Variants in DCUN1D2 observed in about 807,000 individuals in gnomAD.
The protein encoded by DCUN1D2 is DCN1-like protein 2.
In DCUN1D2, 29 loss-of-function variants were observed where a neutral mutation model predicts 30.9. The observed-to-expected ratio is 0.94, with a 90% CI of 0.70 to 1.28. The LOEUF is 1.28. Among genes scored for constraint, DCUN1D2 ranks in the 50% most tolerant of loss-of-function variants. DCUN1D2 has a pLI of 0.00. For missense variants in DCUN1D2, 325 were observed against 316.9 expected (o/e 1.03, Z -0.19); for synonymous variants, 121 against 115.3 (o/e 1.05, Z -0.32).
intron 4 of DCUN1D2, among the ~76,000 whole-genome samples, chr13:113,467,106 C>T (rs1403232681): frequency 2.0e-5 from 3 of 152,096 alleles, no homozygotes; most frequent in African/African-American, 7.2e-5. Flanking sequence ...CCACGCCTGG[C>T]CTGTCCTTTG....
chr13:113,462,745 G>A, intron 4 of DCUN1D2: 1 of 1,035,624 alleles, frequency 9.7e-7, no homozygotes. Flanking sequence ...CTTACCGATG[G>A]GACCCGCAGT....
intron 4 of DCUN1D2, chr13:113,468,843 TGCCA>T (rs2044453369): frequency 6.6e-6 from 1 of 152,304 alleles, no homozygotes; most frequent in African/African-American, 2.4e-5. Context: ...GATGAGCCAC[TGCCA>T]GCAACAGGAC....
intron 4 of DCUN1D2, among the ~76,000 whole-genome samples, chr13:113,462,216 C>T (rs1047491370): frequency 6.7e-5 from 10 of 149,520 alleles, no homozygotes; most frequent in African/African-American, 2.2e-4. Flanking sequence ...TGCGCCACTG[C>T]ACTCCAGCCT....
In DCUN1D2 at chr13:113,458,052, C is replaced by T. The variant is rs1383276530; in HGVS notation, c.757G>A (p.Gly253Ser). Reference sequence around the variant, plus strand: ...GCCTAGAAAAGGCTGCGTTTTCCACCTGTGACTACTGGCCGTGCATATTCT... The same window carrying T: ...GCCTAGAAAAGGCTGCGTTTTCCACTTGTGACTACTGGCCGTGCATATTCT... ...FVEYARPVVTGGKRSLF is the reference protein window; with the variant it reads ...FVEYARPVVTSGKRSLF Residue 253 changes from glycine to serine, a missense_variant, in exon 7 of 7, where the codon GGT (glycine) becomes AGT (serine). Coordinates refer to ENST00000478244, the MANE Select transcript of DCUN1D2 (RefSeq NM_001014283.2). 1 of 1,614,202 alleles carries T rather than the reference C, an allele frequency of 6.2e-7. No homozygotes were observed. Among genetic ancestry groups the T allele is most frequent in the Admixed American group, 1.7e-5 (1 of 60,032 alleles).
intron 1 of DCUN1D2, among the ~76,000 whole-genome samples, chr13:113,486,666 G>A (rs192956325): frequency 1.3e-5 from 2 of 152,284 alleles, no homozygotes; most frequent in Non-Finnish European, 1.5e-5. Flanking sequence ...TCACAGGTCC[G>A]CCCTCCAGGA....
At chr13:113,482,710 C>T (rs1199474189) in intron 2 of DCUN1D2, among the ~76,000 whole-genome samples, 2 of 152,032 alleles carry the variant, frequency 1.3e-5, no homozygotes, top group Non-Finnish European at 2.9e-5. Flanking sequence ...TTTGGGAGGC[C>T]GAGGCGGGTG....
upstream of DCUN1D2, chr13:113,490,841 C>T (rs1227081228): frequency 4.4e-6 from 2 of 457,746 alleles, no homozygotes; most frequent in Non-Finnish European, 6.3e-6. This position sits in a 1 kb window ranked among gnomAD's most constrained non-coding sequence, Gnocchi z 5.2. Context: ...CCCACGGGAG[C>T]TCGCGCCCCA....
chr13:113,463,816 A>G (rs974432579), intron 4 of DCUN1D2, among the ~76,000 whole-genome samples: 31 of 152,084 alleles, frequency 2.0e-4, no homozygotes, highest in Admixed American at 1.2e-3. Flanking sequence ...AAACAGACAC[A>G]AACACACACA....
intron 1 of DCUN1D2, chr13:113,489,259 C>G (rs2044870640): frequency 3.5e-6 from 2 of 570,154 alleles, no homozygotes; most frequent in African/African-American, 4.1e-5. Flanking sequence ...GCATCCTGAA[C>G]ATGTTCAAGT....
chr13:113,489,014 T>C (rs914116078), intron 1 of DCUN1D2: 1 of 568,092 alleles, frequency 1.8e-6, no homozygotes, highest in Non-Finnish European at 2.2e-6. Flanking sequence ...ATACGACTCA[T>C]ATAATCTGGC....
intron 5 of DCUN1D2, among the ~76,000 whole-genome samples, chr13:113,460,125 A>G (rs1318325939): frequency 1.3e-5 from 2 of 152,266 alleles, no homozygotes; most frequent in African/African-American, 2.4e-5. Flanking sequence ...AATACAGCAC[A>G]TGATGTAATG....
intron 4 of DCUN1D2, among the ~76,000 whole-genome samples, chr13:113,472,581 G>A (rs942381963): frequency 1.3e-5 from 2 of 152,152 alleles, no homozygotes; most frequent in African/African-American, 2.4e-5. Context: ...GAACGCACTC[G>A]CCCCCGAGGT....
intron 4 of DCUN1D2, among the ~76,000 whole-genome samples, chr13:113,469,639 T>C (rs2044469447): frequency 6.6e-6 from 1 of 151,902 alleles, no homozygotes; most frequent in African/African-American, 2.4e-5. Context: ...GCCACACCTC[T>C]GCACTTAAAC....
chr13:113,490,615 G>A lies in DCUN1D2; in HGVS notation c.3+52C>T. On this transcript the variant is annotated intron_variant, in intron 1 of 6. Transcript: ENST00000478244. The surrounding 1 kb of genome is among the most constrained non-coding windows in gnomAD (Gnocchi z 5.2). ...GCGCGCCGCCTGCGCCGACCTTGGG[G>A]CCCGACCCCGACCCCGACCCCGACG... The A allele has an allele frequency of 1.8e-5, 22 of 1,221,142 alleles. No homozygotes were observed. Among genetic ancestry groups the A allele is most frequent in the Non-Finnish European group, 2.2e-5 (22 of 980,990 alleles). The allele number at this position is 1,221,142 out of a possible 1,614,324, so 75.6% of individuals were successfully genotyped here. A position where few individuals can be genotyped will look rare whatever the true frequency, so the allele number is the denominator to read the frequency against.
chr13:113,464,731 G>A (rs1441858008), intron 4 of DCUN1D2, among the ~76,000 whole-genome samples: 1 of 152,246 alleles, frequency 6.6e-6, no homozygotes, highest in Non-Finnish European at 1.5e-5. Flanking sequence ...CAGCACGGAT[G>A]GAAGAGAAAG....
chr13:113,472,414 G>A (rs2258793), intron 4 of DCUN1D2, among the ~76,000 whole-genome samples: 30,665 of 152,018 alleles, frequency 0.2, 4,443 homozygotes, highest in African/African-American at 0.41. Flanking sequence ...GAGAAAAAGC[G>A]AATACAGGTC....
chr13:113,462,377 T>G (rs2044332897), intron 4 of DCUN1D2, among the ~76,000 whole-genome samples: 2 of 152,130 alleles, frequency 1.3e-5, no homozygotes, highest in South Asian at 4.1e-4. Flanking sequence ...TATATTTATG[T>G]AAGATTAATG....
intron 4 of DCUN1D2, among the ~76,000 whole-genome samples, chr13:113,472,943 G>A (rs904643987): frequency 6.6e-6 from 1 of 151,358 alleles, no homozygotes; most frequent in Non-Finnish European, 1.5e-5. Flanking sequence ...TCTCTCCCGT[G>A]TCCCCCTGCG....
In DCUN1D2 at chr13:113,488,343, T is replaced by A. The variant is rs1470699504; in HGVS notation, c.3+2324A>T. Among the ~76,000 whole-genome samples the A allele has an allele frequency of 6.6e-6, 1 of 152,216 alleles. No individual in the cohort carries two copies. The highest frequency in any genetic ancestry group is 1.5e-5 in the Non-Finnish European group (1 of 68,042). The stretch of plus-strand genomic sequence containing the variant: ...GCTTAGTCCATTAACAGGCCTCTGG[T>A]CAGTCAACAAAGCTGCAATCATTTG... On this transcript the variant is annotated intron_variant, in intron 1 of 6. Coordinates refer to ENST00000478244, the MANE Select transcript of DCUN1D2 (RefSeq NM_001014283.2). This position sits in a 1 kb window ranked among gnomAD's most constrained non-coding sequence, Gnocchi z 4.3.
Sources: gnomAD v4.1 joint callset for allele counts (sites outside exome capture counted in the v4.1 genomes callset) on GRCh38, gnomAD v4.1.1 for gene constraint, Gnocchi (gnomAD v3.1) non-coding constraint, MANE v1.5 for transcripts, NCBI Gene and HGNC (gene_info 2026-07-23, HGNC 2026-07-21) for gene names.